CYP4Z1: variants seen among roughly 807,000 people sequenced by gnomAD.
CYP4Z1 encodes the protein cytochrome P450 4Z1.
CYP4Z1 carries 41 observed loss-of-function variants against 54.2 expected under a neutral mutation model. The observed-to-expected ratio is 0.76, with a 90% confidence interval of 0.59 to 0.98. The LOEUF is 0.98. CYP4Z1 is among the 50% of genes least tolerant of loss of function. CYP4Z1 has a pLI of 0.00. For synonymous variants in CYP4Z1, 163 were observed against 206.2 expected (o/e 0.79, Z 1.79); for missense variants, 513 against 599.0 (o/e 0.86, Z 1.50).
intron 9 of CYP4Z1, among the ~76,000 whole-genome samples, chr1:47,108,294 C>T (rs1249683371): frequency 6.6e-6 from 1 of 152,148 alleles, no homozygotes; most frequent in African/African-American, 2.4e-5. Flanking sequence ...CTCCAACTTC[C>T]CCTTTGGCAA....
chr1:47,102,024 C>A (rs1215937189), intron 8 of CYP4Z1, among the ~76,000 whole-genome samples: 7 of 152,042 alleles, frequency 4.6e-5, no homozygotes. Flanking sequence ...CTTTCTATGT[C>A]TTTTTTACTA....
At chr1:47,071,191 G>T (rs1230194631) in intron 2 of CYP4Z1, among the ~76,000 whole-genome samples, 1 of 152,300 alleles carries the variant, frequency 6.6e-6, no homozygotes, top group Non-Finnish European at 1.5e-5. Flanking sequence ...TTGAGGTCAG[G>T]AATTCAAGAC....
intron 8 of CYP4Z1, among the ~76,000 whole-genome samples, chr1:47,100,920 C>T (rs11211444): frequency 0.42 from 63,573 of 151,650 alleles, 14,654 homozygotes; most frequent in East Asian, 0.97. Context: ...TTTTTGTTAG[C>T]GATTCAATCT....
At chr1:47,107,307 C>G (rs1644763668) in intron 9 of CYP4Z1, among the ~76,000 whole-genome samples, 1 of 151,990 alleles carries the variant, frequency 6.6e-6, no homozygotes, top group South Asian at 2.1e-4. Flanking sequence ...GGACTTGAAC[C>G]CAAGTAGTGG....
chr1:47,061,794 G>A, the CYP4Z1 span, among the ~76,000 whole-genome samples: 8 of 152,250 alleles, frequency 5.3e-5, no homozygotes, highest in South Asian at 1.7e-3. Flanking sequence ...CAAAATACTT[G>A]CAAACCAATT....
intron 4 of CYP4Z1, 49 bp from the exon 5 acceptor site, chr1:47,084,571 T>C: frequency 6.6e-7 from 1 of 1,508,344 alleles, no homozygotes; most frequent in Non-Finnish European, 8.9e-7. Context: ...ACTTAGAAAT[T>C]GGGAAAGATG....
At chr1:47,113,897 T>C (rs2148542921) in intron 9 of CYP4Z1, among the ~76,000 whole-genome samples, 1 of 152,268 alleles carries the variant, frequency 6.6e-6, no homozygotes, top group Non-Finnish European at 1.5e-5. Flanking sequence ...TTCAATGCCA[T>C]CCCTATCAAG....
intron 6 of CYP4Z1, among the ~76,000 whole-genome samples, chr1:47,090,020 A>G (rs1015273370): frequency 4.6e-5 from 7 of 152,248 alleles, no homozygotes; most frequent in Non-Finnish European, 8.8e-5. Context: ...AGACCCTCTT[A>G]CAACATACTT....
intron 7 of CYP4Z1, chr1:47,097,191 T>A (rs2148535724): frequency 6.6e-6 from 1 of 152,234 alleles, no homozygotes; most frequent in East Asian, 1.9e-4. Context: ...ATGTACCACA[T>A]TTTCTTTATC....
intron 6 of CYP4Z1, among the ~76,000 whole-genome samples, chr1:47,086,282 A>G (rs1644594016): frequency 6.6e-6 from 1 of 152,186 alleles, no homozygotes; most frequent in Admixed American, 6.5e-5. Context: ...GTCTTCCACA[A>G]TGGATGAACT....
intron 3 of CYP4Z1, among the ~76,000 whole-genome samples, chr1:47,081,943 G>T (rs1391711092): frequency 6.7e-6 from 1 of 148,662 alleles, no homozygotes; most frequent in Non-Finnish European, 1.5e-5. Context: ...TGAACTAGCT[G>T]GGACCCTTGT....
intron 8 of CYP4Z1, among the ~76,000 whole-genome samples, chr1:47,104,809 A>G (rs1453104124): frequency 2.0e-5 from 3 of 152,242 alleles, no homozygotes; most frequent in East Asian, 1.9e-4. Context: ...GGTGCTGGCT[A>G]TGGTAGGCAG....
intron 8 of CYP4Z1, 110 bp from the exon 9 acceptor site, chr1:47,106,018 G>A (rs776812771): frequency 6.7e-6 from 9 of 1,351,982 alleles, no homozygotes; most frequent in Non-Finnish European, 9.1e-6. Flanking sequence ...TCCTCCTTTG[G>A]GTAAAGAACA....
At position 47,115,199 on chromosome 1, in the gene CYP4Z1, A is replaced by G. The variant is rs550870340; in HGVS notation, c.1202-330A>G. 2.0e-5 allele frequency among the ~76,000 whole-genome samples: 3 copies of G among 152,302 alleles called. No homozygotes were observed. In the South Asian group the frequency reaches 6.2e-4, roughly 32 times the overall value. On this transcript the variant is annotated intron_variant, in intron 9 of 11. Transcript: ENST00000334194. ...TTCTCAGCAAACTATCGCAAGGACAAAAAACCAAACGCCGCATGTTCTCAC... is the reference window on the plus strand; with the variant it reads ...TTCTCAGCAAACTATCGCAAGGACAGAAAACCAAACGCCGCATGTTCTCAC...
At chr1:47,100,435 T>C (rs1163609501) in intron 8 of CYP4Z1, among the ~76,000 whole-genome samples, 2 of 152,240 alleles carry the variant, frequency 1.3e-5, no homozygotes, top group Admixed American at 6.5e-5. Flanking sequence ...GATGCCATTC[T>C]GAGTAGCATG....
At chr1:47,058,857 G>C in the CYP4Z1 span, among the ~76,000 whole-genome samples, 54 of 152,020 alleles carry the variant, frequency 3.6e-4, no homozygotes, top group African/African-American at 1.3e-3. Flanking sequence ...CAGAGACAGG[G>C]GCCTATGAAT....
the CYP4Z1 span, among the ~76,000 whole-genome samples, chr1:47,057,060 G>A: frequency 6.6e-6 from 1 of 151,952 alleles, no homozygotes; most frequent in Admixed American, 6.6e-5. Context: ...GCTGGTGCCA[G>A]TTGTTCCTTT....
At chr1:47,099,490 A>G (rs953106270) in intron 8 of CYP4Z1, among the ~76,000 whole-genome samples, 9 of 152,176 alleles carry the variant, frequency 5.9e-5, no homozygotes, top group African/African-American at 2.2e-4. Flanking sequence ...AGTATTCAGT[A>G]CACCCTATTT....
chr1:47,082,450 C>T lies in CYP4Z1; in HGVS notation c.481C>T (p.Arg161Trp), dbSNP rs375669698. Residue 161 changes from arginine (R) to tryptophan (W), a missense_variant, in exon 4 of 12, where the codon CGG becomes TGG. By Grantham distance (101) the Arg-to-Trp change is moderately radical. Coordinates refer to ENST00000334194, the MANE Select transcript of CYP4Z1 (RefSeq NM_178134.3). ...CATCACCATGATGTCTGAGAGTGTT[C>T]GGATGATGCTGGTAAGAGGAGAAGA... is the stretch of plus-strand genomic sequence containing the variant. ...IFITMMSESVRMMLNKWEEHI... is the reference protein window; with the variant it reads ...IFITMMSESVWMMLNKWEEHI... The T allele has an allele frequency of 1.4e-4, 219 of 1,611,732 alleles. 1 individual carries two copies. In the South Asian group the frequency reaches 1.5e-3, roughly 11 times the overall value.
Sources: allele counts gnomAD v4.1 joint callset (sites outside exome capture counted in the v4.1 genomes callset), GRCh38; gene constraint gnomAD v4.1.1; transcripts MANE v1.5; gene names NCBI Gene and HGNC (gene_info 2026-07-23, HGNC 2026-07-21).